FBP1: variants seen among roughly 807,000 people sequenced by gnomAD.
The protein encoded by FBP1 is fructose-1,6-bisphosphatase 1.
In FBP1, 22 loss-of-function variants were observed where a neutral mutation model predicts 29.9. The observed-to-expected ratio is 0.74, with a 90% CI of 0.53 to 1.05. The LOEUF (loss-of-function observed/expected upper bound fraction) is 1.05, where lower values mean the gene tolerates loss of function less well. FBP1 is among the 50% of genes least tolerant of loss of function. The probability of loss-of-function intolerance (pLI) is 0.00; values close to 1 mark genes in which losing one functional copy is unlikely to be tolerated. For missense variants in FBP1, 345 were observed against 448.2 expected (o/e 0.77, Z 2.08); for synonymous variants, 175 against 178.6 (o/e 0.98, Z 0.16).
intron 1 of FBP1, among the ~76,000 whole-genome samples, chr9:94,634,352 A>C (rs1262390791): frequency 6.6e-6 from 1 of 152,016 alleles, no homozygotes; most frequent in Non-Finnish European, 1.5e-5. Context: ...TGCGTGTTAG[A>C]ACGATACAAA....
intron 3 of FBP1, among the ~76,000 whole-genome samples, chr9:94,614,911 T>A (rs4077251): frequency 0.43 from 65,834 of 151,830 alleles, 14,653 homozygotes; most frequent in African/African-American, 0.52. Context: ...TTAATTAATT[T>A]ATTTATTTAT....
chr9:94,630,902 A>G (rs1232846361), intron 1 of FBP1, among the ~76,000 whole-genome samples: 2 of 152,184 alleles, frequency 1.3e-5, no homozygotes, highest in African/African-American at 4.8e-5. Flanking sequence ...CAAGGCAGCC[A>G]CATGACAATA....
intron 1 of FBP1, among the ~76,000 whole-genome samples, chr9:94,634,139 CA>C (rs1189478712): frequency 1.3e-5 from 2 of 150,856 alleles, no homozygotes; most frequent in African/African-American, 4.9e-5. Context: ...ACTGAAAATA[CA>C]AAAAAATTAG....
chr9:94,640,230 G>T (rs1199296456), upstream of FBP1: 1 of 152,230 alleles, frequency 6.6e-6, no homozygotes, highest in African/African-American at 2.4e-5. Context: ...CCCGCATCCT[G>T]ACCCCCTGGT....
At chr9:94,617,534 G>A (rs1226931031) in intron 3 of FBP1, among the ~76,000 whole-genome samples, 7 of 152,112 alleles carry the variant, frequency 4.6e-5, no homozygotes, top group African/African-American at 1.7e-4. Flanking sequence ...ATAGTAAAAA[G>A]AGTGAAATAT....
intron 2 of FBP1, among the ~76,000 whole-genome samples, chr9:94,618,237 T>A (rs1281824302): frequency 1.3e-5 from 2 of 151,998 alleles, no homozygotes; most frequent in Non-Finnish European, 1.5e-5. Context: ...ATTCCTTAGG[T>A]GAAGCAGAGA....
At chr9:94,616,393 T>C (rs1827862220) in intron 3 of FBP1, among the ~76,000 whole-genome samples, 1 of 120,656 alleles carries the variant, frequency 8.3e-6, no homozygotes, top group South Asian at 2.7e-4. Context: ...AATTCATTCA[T>C]GTCACCAAAA....
chr9:94,606,372 C>A (rs549165668), intron 5 of FBP1, among the ~76,000 whole-genome samples: 1 of 152,140 alleles, frequency 6.6e-6, no homozygotes, highest in African/African-American at 2.4e-5. Context: ...CACCACTTGA[C>A]GGGCATTTGA....
At chr9:94,624,615 T>G (rs1406633525) in intron 1 of FBP1, among the ~76,000 whole-genome samples, 2 of 151,900 alleles carry the variant, frequency 1.3e-5, no homozygotes, top group African/African-American at 2.4e-5. Flanking sequence ...ATCGCACCAT[T>G]GCACTCCAGC....
chr9:94,611,515 G>A (rs1444917751), intron 3 of FBP1, among the ~76,000 whole-genome samples: 1 of 152,164 alleles, frequency 6.6e-6, no homozygotes, highest in Non-Finnish European at 1.5e-5. Flanking sequence ...CACTTTGGGA[G>A]GCTAAGGTAG....
At chr9:94,639,594 C>T (rs1828255199), upstream of FBP1, 2 of 538,150 alleles carry the variant, frequency 3.7e-6, no homozygotes, top group Admixed American at 6.4e-5. Context: ...ACTCTTGCGC[C>T]CCGCCTACCC....
At chr9:94,618,941 G>T (rs1482910616) in intron 2 of FBP1, among the ~76,000 whole-genome samples, 3 of 152,170 alleles carry the variant, frequency 2.0e-5, no homozygotes, top group Non-Finnish European at 2.9e-5. Context: ...ACATCACTGG[G>T]AGTTTTCCAT....
At position 94,603,200 on chromosome 9, in the gene FBP1, A is replaced by G. The variant is rs1204301623; in HGVS notation, c.*181T>C. On this transcript the variant is annotated 3_prime_UTR_variant, in exon 7 of 7. Transcript: ENST00000375326. The stretch of plus-strand genomic sequence containing the variant: ...CAAAATATATCTTAACACCAGTGGC[A>G]TTATGGAGACAGCATTTGGTTAGGG... 2 of 648,226 alleles carry G rather than the reference A, an allele frequency of 3.1e-6. No homozygotes were observed. The highest frequency in any genetic ancestry group is 3.6e-5 in the African/African-American group (2 of 55,434). 40.2% of individuals were successfully genotyped at this position (648,226 alleles called of 1,614,324 possible). A position where few individuals can be genotyped will look rare whatever the true frequency, so the allele number is the denominator to read the frequency against.
At chr9:94,624,386 C>T (rs1258583473) in intron 1 of FBP1, among the ~76,000 whole-genome samples, 2 of 146,396 alleles carry the variant, frequency 1.4e-5, no homozygotes, top group Non-Finnish European at 3.0e-5. Flanking sequence ...GGCACGGTGG[C>T]TCACGCCTGT....
chr9:94,606,875 G>A lies in FBP1; in HGVS notation c.645C>T (p.Gly215=). Residue 215 remains glycine (G), a synonymous_variant, in exon 5 of 7, where the codon GGC becomes GGT. Coordinates refer to ENST00000375326, the MANE Select transcript of FBP1 (RefSeq NM_000507.4). ...CGGCAGGGTCAAAGTCCCTGGCGTA[G>A]CCCTCGTTAAGGCTGTAGATTTTAC... ...KKGKIYSLNE[G]YARDFDPAVT... 6.2e-7 allele frequency: 1 copy of A among 1,613,940 alleles called. No homozygotes were observed. The highest frequency in any genetic ancestry group is 8.5e-7 in the Non-Finnish European group (1 of 1,179,822).
intron 1 of FBP1, among the ~76,000 whole-genome samples, chr9:94,637,831 G>T (rs917421053): frequency 6.6e-6 from 1 of 151,874 alleles, no homozygotes; most frequent in Non-Finnish European, 1.5e-5. Flanking sequence ...GCTCATGCCT[G>T]TAATCCCAGC....
At chr9:94,636,961 A>G (rs1828199689) in intron 1 of FBP1, among the ~76,000 whole-genome samples, 3 of 152,194 alleles carry the variant, frequency 2.0e-5, no homozygotes, top group Admixed American at 2.0e-4. Context: ...AAGTGCTGGG[A>G]TTACAGGTGT....
intron 4 of FBP1, among the ~76,000 whole-genome samples, chr9:94,607,457 C>T (rs1479743820): frequency 6.6e-6 from 1 of 152,154 alleles, no homozygotes. Flanking sequence ...TGGGAGTTCT[C>T]CTTTCTGGGC....
At chr9:94,631,202 T>C in intron 1 of FBP1, among the ~76,000 whole-genome samples, 1 of 152,210 alleles carries the variant, frequency 6.6e-6, no homozygotes, top group East Asian at 1.9e-4. Flanking sequence ...GTCCTTTCCC[T>C]TTCCAGCCCC....
Sources: allele counts gnomAD v4.1 joint callset (sites outside exome capture counted in the v4.1 genomes callset), GRCh38; gene constraint gnomAD v4.1.1; transcripts MANE v1.5; gene names NCBI Gene and HGNC (gene_info 2026-07-23, HGNC 2026-07-21).